The following SAMD12 variants were observed in gnomAD, a reference collection of about 807,000 sequenced individuals.
SAMD12 encodes the protein sterile alpha motif domain containing 12, also known as sterile alpha motif domain-containing protein 12.
A neutral mutation model predicts 15.0 loss-of-function variants in SAMD12; 9 were observed. The ratio of observed to expected loss-of-function variants is 0.60; its 90% CI spans 0.36 to 1.05. The LOEUF (loss-of-function observed/expected upper bound fraction) is 1.05, where lower values mean the gene tolerates loss of function less well. Ranked by LOEUF, SAMD12 falls within the 50% of genes least tolerant of loss-of-function variation. The pLI is 0.01. For synonymous variants in SAMD12, 86 were observed against 90.1 expected (o/e 0.96, Z 0.25); for missense variants, 230 against 234.2 (o/e 0.98, Z 0.12).
chr8:118,139,588 C>G, the SAMD12 span, among the ~76,000 whole-genome samples: 1 of 152,116 alleles, frequency 6.6e-6, no homozygotes, highest in African/African-American at 2.4e-5. Context: ...GAACTCCTGG[C>G]CTCAAGTGAT....
intron 2 of SAMD12, among the ~76,000 whole-genome samples, chr8:118,562,738 T>C (rs1826741872): frequency 6.6e-6 from 1 of 152,242 alleles, no homozygotes; most frequent in South Asian, 2.1e-4. Flanking sequence ...AAGATATTTA[T>C]TTAGGATTAA....
chr8:118,528,465 T>G (rs1825593686), intron 2 of SAMD12, among the ~76,000 whole-genome samples: 1 of 152,276 alleles, frequency 6.6e-6, no homozygotes, highest in Admixed American at 6.5e-5. Flanking sequence ...CCACATGTTT[T>G]TTAAATGGTA....
intron 2 of SAMD12, among the ~76,000 whole-genome samples, chr8:118,447,332 C>T (rs148068145): frequency 0.024 from 3,564 of 151,582 alleles, 130 homozygotes; most frequent in African/African-American, 0.082. Context: ...AGACTGAGTC[C>T]CACTCTGTCA....
At chr8:118,175,071 G>A in the SAMD12 span, among the ~76,000 whole-genome samples, 11 of 150,976 alleles carry the variant, frequency 7.3e-5, no homozygotes, top group African/African-American at 2.7e-4. Flanking sequence ...CAAAAACCGG[G>A]AGGCATCATA....
At chr8:118,266,500 G>T (rs1045479059) in intron 4 of SAMD12, among the ~76,000 whole-genome samples, 1 of 152,030 alleles carries the variant, frequency 6.6e-6, no homozygotes, top group Non-Finnish European at 1.5e-5. Flanking sequence ...TATATTCAAG[G>T]GATATTAAAC....
intron 2 of SAMD12, among the ~76,000 whole-genome samples, chr8:118,521,479 T>C (rs903121414): frequency 4.6e-5 from 7 of 152,196 alleles, no homozygotes; most frequent in African/African-American, 1.4e-4. Context: ...CTCACTGTCA[T>C]TTATTCTTCC....
At chr8:118,362,536 C>G (rs1224689781) in intron 4 of SAMD12, among the ~76,000 whole-genome samples, 1 of 152,162 alleles carries the variant, frequency 6.6e-6, no homozygotes, top group Non-Finnish European at 1.5e-5. Flanking sequence ...ATGGGATAAA[C>G]TGAAATGAAT....
rs553057937 is a variant in SAMD12 at position 118,457,394 on chromosome 8, AT to A, written c.193-17434del. Among the ~76,000 whole-genome samples the A allele has an allele frequency of 4.4e-3, 629 of 141,814 alleles. 2 individuals are homozygous for A. Among genetic ancestry groups the A allele is most frequent in the Admixed American group, 7.0e-3 (98 of 14,088 alleles). The allele number at this position is 141,814 out of a possible 152,430, so 93.0% of individuals were successfully genotyped here. A position where few individuals can be genotyped will look rare whatever the true frequency, so the allele number is the denominator to read the frequency against. ...TATAGATTCATACCACAACACCCAGATTTTTTTTTTTTTTTAAATAGAGACA... is the reference window on the plus strand; with the variant it reads ...TATAGATTCATACCACAACACCCAGATTTTTTTTTTTTTTAAATAGAGACA... On this transcript the variant is annotated intron_variant, in intron 2 of 3. Transcript: ENST00000314727.
the SAMD12 span, among the ~76,000 whole-genome samples, chr8:118,147,065 C>T: frequency 1.3e-5 from 2 of 151,630 alleles, no homozygotes; most frequent in Middle Eastern, 3.4e-3. Context: ...CATTCTGTTG[C>T]CCAGGCTGGA....
intron 2 of SAMD12, among the ~76,000 whole-genome samples, chr8:118,465,734 G>A (rs757604887): frequency 2.0e-5 from 3 of 151,920 alleles, no homozygotes; most frequent in Non-Finnish European, 4.4e-5. Context: ...AAGATATGAC[G>A]GGCAAATTCT....
Position 118,403,264 on chromosome 8 carries a change from C to A in SAMD12, c.323-23564G>T, listed in dbSNP as rs1187840109. On this transcript the variant is annotated intron_variant, in intron 3 of 3. Transcript: ENST00000314727. The stretch of plus-strand genomic sequence containing the variant: ...AAAGAGAAAGGAACAAAAATATGTC[C>A]TAACTTGCACAAATTGGACTAATTC... Among the ~76,000 whole-genome samples, 4 of 152,090 alleles carry A rather than the reference C, an allele frequency of 2.6e-5. No homozygotes were observed. In the East Asian group the frequency reaches 5.8e-4, roughly 22 times the overall value.
chr8:118,262,259 C>T (rs1299838034), intron 4 of SAMD12, among the ~76,000 whole-genome samples: 1 of 151,984 alleles, frequency 6.6e-6, no homozygotes, highest in African/African-American at 2.4e-5. Flanking sequence ...ACAGTCTGTC[C>T]AGGGAGACCA....
the SAMD12 span, among the ~76,000 whole-genome samples, chr8:118,144,152 A>G: frequency 6.6e-6 from 1 of 152,082 alleles, no homozygotes; most frequent in Non-Finnish European, 1.5e-5. Context: ...TGTGTCTTAT[A>G]AGGATTCGGG....
At chr8:118,401,376 A>G (rs1398615797) in intron 3 of SAMD12, among the ~76,000 whole-genome samples, 4 of 151,904 alleles carry the variant, frequency 2.6e-5, no homozygotes, top group Non-Finnish European at 4.4e-5. Context: ...ATTATGACAG[A>G]TCTGGGCTTT....
chr8:118,378,611 C>A lies in SAMD12; in HGVS notation c.*806G>T. The A allele has an allele frequency of 3.0e-6, 3 of 985,130 alleles. No homozygotes were observed. Among genetic ancestry groups the A allele is most frequent in the Non-Finnish European group, 2.4e-6 (2 of 829,706 alleles). The allele number at this position is 985,130 out of a possible 1,614,324, so 61.0% of individuals were successfully genotyped here. On this transcript the variant is annotated 3_prime_UTR_variant, in exon 4 of 4. Transcript: ENST00000314727. Reference sequence around the variant, plus strand: ...GAAACTTGGCTGACCCAGATTTCTCCAATATCGGTATGCATGCAATTACAA... The same window carrying A: ...GAAACTTGGCTGACCCAGATTTCTCAAATATCGGTATGCATGCAATTACAA...
At chr8:118,150,879 T>A in the SAMD12 span, among the ~76,000 whole-genome samples, 1 of 152,150 alleles carries the variant, frequency 6.6e-6, no homozygotes, top group Non-Finnish European at 1.5e-5. Flanking sequence ...TTATTTTGCC[T>A]TCATTTTGAA....
chr8:118,524,645 A>G (rs770701164), intron 2 of SAMD12, among the ~76,000 whole-genome samples: 1 of 152,170 alleles, frequency 6.6e-6, no homozygotes, highest in Non-Finnish European at 1.5e-5. Flanking sequence ...TCTCCAACTA[A>G]GAATGTCTTA....
At chr8:118,546,121 G>A (rs1382368798) in intron 2 of SAMD12, among the ~76,000 whole-genome samples, 3 of 152,128 alleles carry the variant, frequency 2.0e-5, no homozygotes, top group South Asian at 2.1e-4. Context: ...GCAGTGCAGC[G>A]AGAAACCCAG....
chr8:118,287,532 T>C (rs1449823528), intron 4 of SAMD12, among the ~76,000 whole-genome samples: 1 of 152,144 alleles, frequency 6.6e-6, no homozygotes, highest in East Asian at 1.9e-4. Flanking sequence ...TTTGGGATAG[T>C]GCCGGGACTT....
Sources: gnomAD v4.1 joint callset for allele counts (sites outside exome capture counted in the v4.1 genomes callset) on GRCh38, gnomAD v4.1.1 for gene constraint, MANE v1.5 for transcripts, NCBI Gene and HGNC (gene_info 2026-07-23, HGNC 2026-07-21) for gene names.